BLNK: variants seen among roughly 807,000 people sequenced by gnomAD.
BLNK encodes B-cell linker protein.
A neutral mutation model predicts 73.5 loss-of-function variants in BLNK; 29 were observed. The observed-to-expected ratio is 0.39, with a 90% CI of 0.29 to 0.54. The LOEUF (loss-of-function observed/expected upper bound fraction) is 0.54, where lower values mean the gene tolerates loss of function less well. Ranked by LOEUF, BLNK falls within the 20% of genes least tolerant of loss-of-function variation. The pLI is 0.61. For missense variants in BLNK, 460 were observed against 562.8 expected, an observed-to-expected ratio of 0.82 and a Z score of 1.85; for synonymous variants, 176 against 200.8, an observed-to-expected ratio of 0.88 and a Z score of 1.04.
At chr10:96,222,118 A>G (rs2084210502) in intron 6 of BLNK, among the ~76,000 whole-genome samples, 1 of 152,238 alleles carries the variant, frequency 6.6e-6, no homozygotes, top group Non-Finnish European at 1.5e-5. Flanking sequence ...CACTGTATTT[A>G]GTGCTGTACA....
chr10:96,207,885 G>A lies in BLNK; in HGVS notation c.761C>T (p.Thr254Ile). The stretch of plus-strand genomic sequence containing the variant: ...AAATTAACTTACTGTCTTCAGTGGT[G>A]TCGTTGGTTTTTTCCTGGGGAATAA... ...PLPRAGKKPTTPLKTTPVASQ... is the reference protein window; with the variant it reads ...PLPRAGKKPTIPLKTTPVASQ... The change falls in exon 10 of 17, where the codon ACA (threonine) becomes ATA (isoleucine). Residue 254 changes from threonine (T) to isoleucine (I), a missense_variant. This residue lies in a region of BLNK where 233 missense variants were observed against 232.1 expected (regional missense o/e 1.00). Coordinates refer to ENST00000224337, the MANE Select transcript of BLNK (RefSeq NM_013314.4). The A allele has an allele frequency of 1.2e-6, 2 of 1,614,132 alleles. No individual in the cohort carries two copies. The highest frequency in any genetic ancestry group is 1.1e-5 in the South Asian group (1 of 91,082).
chr10:96,255,583 T>A (rs1312740918), intron 1 of BLNK, among the ~76,000 whole-genome samples: 2 of 152,150 alleles, frequency 1.3e-5, no homozygotes, highest in African/African-American at 4.8e-5. Flanking sequence ...TAGGAATGGA[T>A]TAAAGAGTGT....
At chr10:96,269,400 A>G (rs1343667492) in intron 1 of BLNK, among the ~76,000 whole-genome samples, 3 of 150,362 alleles carry the variant, frequency 2.0e-5, no homozygotes, top group Non-Finnish European at 4.4e-5. Context: ...ATAGTTCTAC[A>G]TTATGGAATA....
chr10:96,226,887 A>G (rs1564831409), intron 5 of BLNK, among the ~76,000 whole-genome samples: 1 of 152,000 alleles, frequency 6.6e-6, no homozygotes, highest in Non-Finnish European at 1.5e-5. Context: ...GTGTCCATTT[A>G]ACCCATGAGG....
At chr10:96,226,716 C>T (rs1554902562) in intron 5 of BLNK, among the ~76,000 whole-genome samples, 3 of 152,048 alleles carry the variant, frequency 2.0e-5, no homozygotes, top group Non-Finnish European at 2.9e-5. Context: ...TGGTGGGTGC[C>T]TGTGGACCCA....
chr10:96,239,129 A>G (rs1388989554), intron 3 of BLNK: 1 of 398,550 alleles, frequency 2.5e-6, no homozygotes, highest in South Asian at 1.3e-4. Flanking sequence ...TGACATCAAG[A>G]CTATTTGGAA....
At chr10:96,216,288 A>G (rs2134001016) in intron 7 of BLNK, 1 of 272,050 alleles carries the variant, frequency 3.7e-6, no homozygotes, top group East Asian at 7.8e-5. Flanking sequence ...TCCTCTGCAG[A>G]AACTGTTCTT....
rs1044449436 is a variant in BLNK, at chr10:96,227,475, G to A, written c.296C>T (p.Pro99Leu). 1 of 1,614,116 alleles carries A rather than the reference G, an allele frequency of 6.2e-7. No homozygotes were observed. Among genetic ancestry groups the A allele is most frequent in the Admixed American group, 1.7e-5 (1 of 60,010 alleles). The stretch of plus-strand genomic sequence containing the variant: ...CGGCCTGGTTTCCTGCTCTACTGGA[G>A]GCGGCTCGTAGCTGTCATCAGCGTT... ...EENADDSYEP[P>L]PVEQETRPVH... Residue 99 changes from proline to leucine, a missense_variant, in exon 5 of 17, where the codon CCT (proline) becomes CTT (leucine). Physicochemically the swap from Pro to Leu is moderately conservative, Grantham distance 98. Around this residue, in one of 3 missense-constraint regions of BLNK, gnomAD observed 139 missense variants for 187.3 expected, o/e 0.74. Transcript: ENST00000224337.
Position 96,255,446 on chromosome 10 carries a change from C to T in BLNK, c.48-8397G>A, listed in dbSNP as rs531418728. Among the ~76,000 whole-genome samples, 5 of 151,406 alleles carry T rather than the reference C, an allele frequency of 3.3e-5. No homozygotes were observed. The South Asian group carries it at 1.0e-3, about 32-fold the overall frequency. ...ATAAAACATCTTGTTTTCCTTGTAGCTCTTTAGTGCTGTCACAGAGGACAA... is the reference window on the plus strand; with the variant it reads ...ATAAAACATCTTGTTTTCCTTGTAGTTCTTTAGTGCTGTCACAGAGGACAA... On this transcript the variant is annotated intron_variant, in intron 1 of 16. Transcript: ENST00000224337.
chr10:96,213,702 T>G (rs782353260), intron 8 of BLNK, among the ~76,000 whole-genome samples: 5 of 152,226 alleles, frequency 3.3e-5, no homozygotes, highest in Non-Finnish European at 7.3e-5. Context: ...ATTAGTAATC[T>G]ATTTCTCTAA....
chr10:96,221,252 A>G (rs1167915432), intron 6 of BLNK, among the ~76,000 whole-genome samples: 1 of 152,202 alleles, frequency 6.6e-6, no homozygotes, highest in Non-Finnish European at 1.5e-5. Flanking sequence ...ACATTCTCCA[A>G]GTGTTAGCCT....
chr10:96,209,691 C>A (rs1044622929), intron 9 of BLNK, 147 bp downstream of exon 9: 26 of 1,012,366 alleles, frequency 2.6e-5, no homozygotes, highest in Non-Finnish European at 3.7e-5. Context: ...CCATGCCTGG[C>A]TCATTTGATG....
intron 9 of BLNK, among the ~76,000 whole-genome samples, chr10:96,208,647 T>G (rs1164690024): frequency 1.3e-5 from 2 of 152,222 alleles, no homozygotes; most frequent in African/African-American, 4.8e-5. Context: ...GCTCCTTTTC[T>G]GTGTGTTAAA....
chr10:96,203,705 C>A (rs1350671396), intron 13 of BLNK: 2 of 173,286 alleles, frequency 1.2e-5, no homozygotes, highest in African/African-American at 4.8e-5. Context: ...TTGTTTAGAA[C>A]CAAACACTAT....
chr10:96,196,418 AT>A (rs201144805), intron 16 of BLNK, among the ~76,000 whole-genome samples: 55 of 151,754 alleles, frequency 3.6e-4, no homozygotes, highest in African/African-American at 1.3e-3. Context: ...GACCCATGTG[AT>A]TTTTTTTTCT....
At chr10:96,208,556 C>T (rs934110932) in intron 9 of BLNK, among the ~76,000 whole-genome samples, 5 of 152,142 alleles carry the variant, frequency 3.3e-5, no homozygotes, top group East Asian at 1.9e-4. Flanking sequence ...TTCTGAAAGT[C>T]GGGGTGTCTT....
intron 3 of BLNK, among the ~76,000 whole-genome samples, chr10:96,232,459 A>T (rs10882752): frequency 0.72 from 109,621 of 151,940 alleles, 41,806 homozygotes; most frequent in Non-Finnish European, 0.84. Flanking sequence ...CAGAGAGTCA[A>T]ACATTTGGGG....
chr10:96,239,906 T>A (rs587753694), intron 3 of BLNK, among the ~76,000 whole-genome samples: 60 of 152,252 alleles, frequency 3.9e-4, no homozygotes, highest in African/African-American at 1.3e-3. Context: ...GTCAGTCCAC[T>A]TAGGTTTCCA....
chr10:96,204,472 G>A (rs2133965224), intron 12 of BLNK, 60 bp downstream of exon 12: 2 of 1,535,600 alleles, frequency 1.3e-6, no homozygotes, highest in Non-Finnish European at 1.8e-6. Flanking sequence ...GTGAAACAAT[G>A]CACATGTTAA....
Sources: allele counts gnomAD v4.1 joint callset (sites outside exome capture counted in the v4.1 genomes callset), GRCh38; gene constraint gnomAD v4.1.1; regional missense constraint gnomAD v4.1.1; transcripts MANE v1.5; gene names NCBI Gene and HGNC (gene_info 2026-07-23, HGNC 2026-07-21).